Variants in RBM28 observed in about 807,000 individuals in gnomAD.
RBM28 encodes the protein RNA-binding protein 28.
RBM28 carries 78 observed loss-of-function variants against 98.3 expected under a neutral mutation model. The ratio of observed to expected loss-of-function variants is 0.79; its 90% CI spans 0.66 to 0.96. The LOEUF (loss-of-function observed/expected upper bound fraction) is 0.96, where lower values mean the gene tolerates loss of function less well. RBM28 is among the 40% of genes least tolerant of loss of function. The pLI is 0.00. For missense variants in RBM28, 838 were observed against 913.0 expected, an observed-to-expected ratio of 0.92 and a Z score of 1.06; for synonymous variants, 306 against 330.9, an observed-to-expected ratio of 0.92 and a Z score of 0.82.
At position 128,339,797 on chromosome 7, in the gene RBM28, A is replaced by G. The variant is rs919848257; in HGVS notation, c.119-6T>C. 6.2e-7 allele frequency: 1 copy of G among 1,613,626 alleles called. No homozygotes were observed. Among genetic ancestry groups the G allele is most frequent in the South Asian group, 1.1e-5 (1 of 91,074 alleles). ...GCCTCGACATGCCTTACTCCCTGGA[A>G]TAATGGAGTGGGGAGGGAGTGGAGG... On this transcript the variant is annotated splice_region_variant and splice_polypyrimidine_tract_variant and intron_variant, in intron 1 of 18. Coordinates refer to ENST00000223073, the MANE Select transcript of RBM28 (RefSeq NM_018077.3).
chr7:128,315,183 T>C (rs947335808), intron 16 of RBM28, among the ~76,000 whole-genome samples, 163 bp from the exon 17 acceptor site: 1 of 152,182 alleles, frequency 6.6e-6, no homozygotes, highest in African/African-American at 2.4e-5. Context: ...TCACAAGCCC[T>C]GCCACAGTAA....
Position 128,339,259 on chromosome 7 carries a change from C to T in RBM28, c.340G>A (p.Ala114Thr). 1 of 1,613,586 alleles carries T rather than the reference C, an allele frequency of 6.2e-7. No individual in the cohort carries two copies. The highest frequency in any genetic ancestry group is 8.5e-7 in the Non-Finnish European group (1 of 1,179,498). Residue 114 changes from alanine to threonine, a missense_variant, in exon 3 of 19, where the codon GCC becomes ACC. By Grantham distance (58) the Ala-to-Thr change is moderately conservative. Transcript: ENST00000223073. ...CTCAGGTTCCGAATAATTAATCTGG[C>T]TTTCTTATCTGCCACTTTGGCTTTT... is the stretch of plus-strand genomic sequence containing the variant. ...AKKAKVADKK[A>T]RLIIRNLSFK... is the part of the protein sequence containing the mutation.
At chr7:128,321,473 G>T (rs907122523) in intron 13 of RBM28, 49 bp from the exon 14 acceptor site, 2 of 1,606,218 alleles carry the variant, frequency 1.2e-6, no homozygotes, top group Non-Finnish European at 1.7e-6. Context: ...TTTTTAAGAG[G>T]TAGGCTCATA....
At chr7:128,319,983 C>T (rs187745308) in intron 14 of RBM28, among the ~76,000 whole-genome samples, 4 of 151,962 alleles carry the variant, frequency 2.6e-5, no homozygotes, top group Middle Eastern at 3.2e-3. Context: ...TTTGGGAGGC[C>T]GAGGCAGGCG....
At chr7:128,312,832 G>C (rs1562947779) in intron 18 of RBM28, among the ~76,000 whole-genome samples, 1 of 152,186 alleles carries the variant, frequency 6.6e-6, no homozygotes, top group African/African-American at 2.4e-5. Flanking sequence ...TGATCAGTTA[G>C]AGATGCACTC....
At chr7:128,340,034 TG>T (rs1562960275) in intron 1 of RBM28, among the ~76,000 whole-genome samples, 2 of 152,190 alleles carry the variant, frequency 1.3e-5, no homozygotes, top group African/African-American at 4.8e-5. Flanking sequence ...GTGTCTTTGC[TG>T]TTAGCTCCCC....
intron 10 of RBM28, among the ~76,000 whole-genome samples, chr7:128,327,503 A>T (rs984808908): frequency 2.7e-5 from 4 of 146,212 alleles, no homozygotes; most frequent in Non-Finnish European, 6.1e-5. Flanking sequence ...CAAAAAAACA[A>T]TTTTTTTTTT....
rs940807769 is a variant in RBM28 at position 128,298,971 on chromosome 7, C to G, written c.*11826G>C. The G allele has an allele frequency of 1.3e-5, 2 of 149,860 alleles. No homozygotes were observed. Among genetic ancestry groups the G allele is most frequent in the Non-Finnish European group, 2.9e-5 (2 of 67,864 alleles). The allele number at this position is 149,860 out of a possible 1,614,324, so 9.3% of individuals were successfully genotyped here. Reference sequence around the variant, plus strand: ...GAGGCTGCAGTGACCTGTGATTACACCACTGCACTCCAGCCTGGGAGACAG... The same window carrying G: ...GAGGCTGCAGTGACCTGTGATTACAGCACTGCACTCCAGCCTGGGAGACAG... On this transcript the variant is annotated 3_prime_UTR_variant, in exon 19 of 19. Coordinates refer to ENST00000223073, the MANE Select transcript of RBM28 (RefSeq NM_018077.3).
chr7:128,313,350 C>T, intron 17 of RBM28, 76 bp from the exon 18 acceptor site: 1 of 1,368,734 alleles, frequency 7.3e-7, no homozygotes, highest in South Asian at 1.2e-5. Context: ...TGTACACTGG[C>T]CCTTCCCAAG....
At chr7:128,333,446 T>C in intron 8 of RBM28, 84 bp from the exon 9 acceptor site, 1 of 1,196,506 alleles carries the variant, frequency 8.4e-7, no homozygotes, top group East Asian at 2.5e-5. Flanking sequence ...TACATAAAGA[T>C]AAGCCTGGCG....
At position 128,339,319 on chromosome 7, in the gene RBM28, T is replaced by A. The variant is rs138007655; in HGVS notation, c.280A>T (p.Asn94Tyr). Reference protein sequence around the residue: ...NKTKEKGKNENSECPKKEPKA... With the variant: ...NKTKEKGKNEYSECPKKEPKA... ...GGCTCCTTCTTTGGGCACTCTGAGT[T>A]TTCTAAAAAATAAGAGGTAATGGAA... The change falls in exon 3 of 19, where the codon AAC (asparagine) becomes TAC (tyrosine). Residue 94 changes from asparagine to tyrosine, a missense_variant and splice_region_variant. Physicochemically the swap from Asn to Tyr is moderately radical, Grantham distance 143. Transcript: ENST00000223073. 212 of 1,607,204 alleles carry A rather than the reference T, an allele frequency of 1.3e-4. No homozygotes were observed. Among genetic ancestry groups the A allele is most frequent in the Middle Eastern group, 6.6e-4 (4 of 6,050 alleles).
At chr7:128,319,782 G>A (rs1283215681) in intron 14 of RBM28, among the ~76,000 whole-genome samples, 1 of 152,180 alleles carries the variant, frequency 6.6e-6, no homozygotes, top group Admixed American at 6.5e-5. Flanking sequence ...GTATGACAGA[G>A]ATATGCAAGG....
chr7:128,337,234 T>C, intron 5 of RBM28, 32 bp from the exon 6 acceptor site: 1 of 1,611,870 alleles, frequency 6.2e-7, no homozygotes, highest in East Asian at 2.2e-5. Flanking sequence ...TCAGAAAGGC[T>C]CTCCTTTTAA....
intron 1 of RBM28, among the ~76,000 whole-genome samples, chr7:128,342,618 T>C (rs935803136): frequency 6.6e-6 from 1 of 152,006 alleles, no homozygotes; most frequent in Admixed American, 6.5e-5. Flanking sequence ...GAGGCAGAGG[T>C]TGCAGTGAGC....
chr7:128,326,028 G>T (rs1033964238), intron 10 of RBM28, 137 bp from the exon 11 acceptor site: 9 of 749,360 alleles, frequency 1.2e-5, no homozygotes, highest in Non-Finnish European at 1.9e-5. Context: ...CATGTAGCCG[G>T]GTGCAGTGGC....
intron 6 of RBM28, 49 bp from the exon 7 acceptor site, chr7:128,336,091 A>G (rs775657777): frequency 6.6e-7 from 1 of 1,516,844 alleles, no homozygotes; most frequent in South Asian, 1.2e-5. Flanking sequence ...ATCCAAAACA[A>G]TGTTATTTTA....
rs763379773 is a variant in RBM28 at position 128,338,360 on chromosome 7, A to C, written c.449-18T>G. 1.2e-6 allele frequency: 2 copies of C among 1,600,054 alleles called. No individual in the cohort carries two copies. Among genetic ancestry groups the C allele is most frequent in the African/African-American group, 2.7e-5 (2 of 74,664 alleles). On this transcript the variant is annotated intron_variant, in intron 4 of 18. Transcript: ENST00000223073. ...CTTCCCATCTGTGTGCAAATGCACA[A>C]AGAAAGAAGTGAGAGGCAGCAGGAG...
chr7:128,327,426 T>A (rs1042895829), intron 10 of RBM28, among the ~76,000 whole-genome samples: 7 of 152,138 alleles, frequency 4.6e-5, no homozygotes, highest in African/African-American at 1.4e-4. Flanking sequence ...CTCTAGAATC[T>A]CCATAAGGCA....
intron 6 of RBM28, among the ~76,000 whole-genome samples, chr7:128,336,251 G>C (rs909110835): frequency 6.6e-6 from 1 of 152,150 alleles, no homozygotes; most frequent in Non-Finnish European, 1.5e-5. Flanking sequence ...GATTCCTTTA[G>C]AGTTTGTCCC....
Sources: gnomAD v4.1 joint callset for allele counts (sites outside exome capture counted in the v4.1 genomes callset) on GRCh38, gnomAD v4.1.1 for gene constraint, MANE v1.5 for transcripts, NCBI Gene and HGNC (gene_info 2026-07-23, HGNC 2026-07-21) for gene names.